CNKSR3: variants seen among roughly 807,000 people sequenced by gnomAD.
CNKSR3 encodes the protein CNKSR family member 3, also known as connector enhancer of kinase suppressor of ras 3.
A neutral mutation model predicts 67.7 loss-of-function variants in CNKSR3; 36 were observed. The observed-to-expected ratio is 0.53, with a 90% CI of 0.41 to 0.70. The LOEUF is 0.70. Among genes scored for constraint, CNKSR3 ranks in the 30% least tolerant of loss-of-function variants. The pLI is 0.00. For synonymous variants in CNKSR3, 281 were observed against 271.4 expected, an observed-to-expected ratio of 1.04 and a Z score of -0.35; for missense variants, 630 against 695.2, an observed-to-expected ratio of 0.91 and a Z score of 1.05.
chr6:154,412,527 T>C (rs1219376580), intron 10 of CNKSR3, among the ~76,000 whole-genome samples: 2 of 152,156 alleles, frequency 1.3e-5, no homozygotes, highest in African/African-American at 4.8e-5. Context: ...CACACATTAG[T>C]AGTGGAATGT....
intron 7 of CNKSR3, among the ~76,000 whole-genome samples, chr6:154,424,924 A>C (rs1455617764): frequency 6.6e-6 from 1 of 152,048 alleles, no homozygotes; most frequent in Non-Finnish European, 1.5e-5. Flanking sequence ...GGCACCCACC[A>C]CCACGCCCAG....
chr6:154,462,773 T>C (rs1470328700), intron 1 of CNKSR3, among the ~76,000 whole-genome samples: 1 of 152,220 alleles, frequency 6.6e-6, no homozygotes, highest in East Asian at 1.9e-4. Context: ...CCCAGCATTC[T>C]GTTATTCGCT....
intron 1 of CNKSR3, among the ~76,000 whole-genome samples, chr6:154,469,125 AT>A (rs1446939901): frequency 6.6e-6 from 1 of 152,228 alleles, no homozygotes; most frequent in Non-Finnish European, 1.5e-5. Flanking sequence ...TTGAGTCAAT[AT>A]TTATACTGGC....
At position 154,443,086 on chromosome 6, in the gene CNKSR3, CG is replaced by C. The variant is rs994966350; in HGVS notation, c.217-797del. Among the ~76,000 whole-genome samples, 58 of 152,038 alleles carry C rather than the reference CG, an allele frequency of 3.8e-4. 1 individual carries two copies. The highest frequency in any genetic ancestry group is 1.4e-3 in the African/African-American group (57 of 41,484). On this transcript the variant is annotated intron_variant, in intron 2 of 12. Transcript: ENST00000607772. ...CTAATTTTTGTATTTTTAGTAGAGA[CG>C]GGGTTTCACCGTGTTGCCCAGGCTG...
chr6:154,493,887 C>T (rs889430722), intron 1 of CNKSR3, among the ~76,000 whole-genome samples: 1 of 152,112 alleles, frequency 6.6e-6, no homozygotes, highest in Non-Finnish European at 1.5e-5. Flanking sequence ...CCAGGTCCCT[C>T]CTCCAACATT....
intron 1 of CNKSR3, among the ~76,000 whole-genome samples, chr6:154,495,378 A>G (rs115399610): frequency 0.01 from 1,482 of 145,128 alleles, 27 homozygotes; most frequent in African/African-American, 0.036. Context: ...TTTTTTTTTA[A>G]GAGAGAGATA....
Position 154,406,646 on chromosome 6 carries a change from T to G in CNKSR3, c.1376A>C (p.Asp459Ala), listed in dbSNP as rs1784798795. 3 of 1,610,490 alleles carry G rather than the reference T, an allele frequency of 1.9e-6. No individual in the cohort carries two copies. The African/African-American group carries it at 4.0e-5, about 22-fold the overall frequency. The change falls in exon 13 of 13, where the codon GAT (aspartate) becomes GCT (alanine). Residue 459 changes from aspartate (D) to alanine (A), a missense_variant. Physicochemically the swap from Asp to Ala is moderately radical, Grantham distance 126. This residue lies in a region of CNKSR3 where 308 missense variants were observed against 299.6 expected (regional missense o/e 1.03). Coordinates refer to ENST00000607772, the MANE Select transcript of CNKSR3 (RefSeq NM_173515.4). Reference sequence around the variant, plus strand: ...GTTACTGAAATACCGGCAAAGGGCATCCTCCCCTGTTTCCAGACAAAGTCC... The same window carrying G: ...GTTACTGAAATACCGGCAAAGGGCAGCCTCCCCTGTTTCCAGACAAAGTCC... The part of the protein sequence containing the change: ...RPRGHGRKGE[D>A]ALCRYFSNER...
chr6:154,506,781 C>T lies in CNKSR3; in HGVS notation c.52+3282G>A, dbSNP rs111914851. ...GCCTTTACTGAACTGACTGGCAAGG[C>T]GCCATGAACTAGGAATTAATTTGAC... On this transcript the variant is annotated intron_variant, in intron 1 of 12. Coordinates refer to ENST00000607772, the MANE Select transcript of CNKSR3 (RefSeq NM_173515.4). Among the ~76,000 whole-genome samples the T allele has an allele frequency of 4.2e-3, 641 of 152,314 alleles. 6 individuals are homozygous for T. Among genetic ancestry groups the T allele is most frequent in the African/African-American group, 0.014 (602 of 41,566 alleles).
intron 1 of CNKSR3, among the ~76,000 whole-genome samples, chr6:154,498,259 G>C (rs1786916065): frequency 6.6e-6 from 1 of 152,200 alleles, no homozygotes; most frequent in Middle Eastern, 3.4e-3. Flanking sequence ...ACATCTTACA[G>C]GTGCGCTTCT....
intron 1 of CNKSR3, among the ~76,000 whole-genome samples, chr6:154,452,356 C>T (rs1001775802): frequency 6.6e-6 from 1 of 152,154 alleles, no homozygotes; most frequent in Non-Finnish European, 1.5e-5. Context: ...GGTCTAACAA[C>T]AAGACAGTTA....
At chr6:154,497,931 C>T (rs1054560197) in intron 1 of CNKSR3, among the ~76,000 whole-genome samples, 4 of 152,214 alleles carry the variant, frequency 2.6e-5, no homozygotes, top group Admixed American at 2.6e-4. Flanking sequence ...GATGGGGGCA[C>T]ACTCCCTATT....
chr6:154,493,561 G>A (rs536674517), intron 1 of CNKSR3, among the ~76,000 whole-genome samples: 2 of 152,314 alleles, frequency 1.3e-5, no homozygotes, highest in South Asian at 4.2e-4. Flanking sequence ...GGCAATGGGT[G>A]AGGGGAGTTG....
chr6:154,462,313 C>G (rs1786097430), intron 1 of CNKSR3, among the ~76,000 whole-genome samples: 1 of 150,786 alleles, frequency 6.6e-6, no homozygotes, highest in African/African-American at 2.4e-5. Context: ...CTGTCTGACC[C>G]TCAACCCTAA....
intron 1 of CNKSR3, among the ~76,000 whole-genome samples, chr6:154,499,651 G>A (rs900838652): frequency 2.0e-5 from 3 of 152,070 alleles, no homozygotes; most frequent in African/African-American, 7.2e-5. Flanking sequence ...GGTTCTTTTG[G>A]TAGACACAGG....
intron 2 of CNKSR3, among the ~76,000 whole-genome samples, chr6:154,445,808 A>G (rs2128718386): frequency 6.6e-6 from 1 of 152,284 alleles, no homozygotes; most frequent in African/African-American, 2.4e-5. Context: ...ATGAATAAAT[A>G]TAGCTAGAAT....
Position 154,424,244 on chromosome 6 carries a change from A to G in CNKSR3, c.730-1261T>C, listed in dbSNP as rs57092671. The stretch of plus-strand genomic sequence containing the variant: ...AGACTCCGTCTCAAAAAAAAAAAAA[A>G]AAAAGAAAAGAAAAAAGAAATATAA... On this transcript the variant is annotated intron_variant, in intron 7 of 12. Coordinates refer to ENST00000607772, the MANE Select transcript of CNKSR3 (RefSeq NM_173515.4). Among the ~76,000 whole-genome samples, 1,091 of 147,916 alleles carry G rather than the reference A, an allele frequency of 7.4e-3. 18 individuals carry two copies. The highest frequency in any genetic ancestry group is 0.027 in the African/African-American group (1,017 of 38,208).
intron 1 of CNKSR3, among the ~76,000 whole-genome samples, chr6:154,477,992 C>T (rs544447463): frequency 5.3e-5 from 8 of 152,258 alleles, no homozygotes; most frequent in East Asian, 3.9e-4. Flanking sequence ...GTCCTTATGA[C>T]GGAAGAGAGG....
At chr6:154,427,447 T>C (rs1046649552) in intron 7 of CNKSR3, among the ~76,000 whole-genome samples, 1 of 152,250 alleles carries the variant, frequency 6.6e-6, no homozygotes, top group Non-Finnish European at 1.5e-5. Context: ...TTTAGTTTCA[T>C]ATCAATGTCT....
At chr6:154,472,871 G>A (rs1039936528) in intron 1 of CNKSR3, among the ~76,000 whole-genome samples, 1 of 151,174 alleles carries the variant, frequency 6.6e-6, no homozygotes, top group African/African-American at 2.4e-5. Flanking sequence ...ACTTTCTAGA[G>A]TTCCCTGCTA....
Sources: gnomAD v4.1 joint callset for allele counts (sites outside exome capture counted in the v4.1 genomes callset) on GRCh38, gnomAD v4.1.1 for gene constraint, gnomAD v4.1.1 regional missense constraint, MANE v1.5 for transcripts, NCBI Gene and HGNC (gene_info 2026-07-23, HGNC 2026-07-21) for gene names.